Variants in CTNNA3 observed in about 807,000 individuals in gnomAD.
CTNNA3 encodes catenin alpha 3.
In CTNNA3, 76 loss-of-function variants were observed where a neutral mutation model predicts 95.7. That is an observed-to-expected ratio of 0.79 (90% CI 0.66 to 0.96). CTNNA3 has a LOEUF of 0.96. CTNNA3 is among the 40% of genes least tolerant of loss of function. The pLI is 0.00. For synonymous variants in CTNNA3, 431 were observed against 374.4 expected (o/e 1.15, Z -1.74); for missense variants, 1,191 against 1,089.8 (o/e 1.09, Z -1.31).
intron 5 of CTNNA3, among the ~76,000 whole-genome samples, chr10:67,236,533 G>C (rs1865468360): frequency 6.6e-6 from 1 of 150,548 alleles, no homozygotes; most frequent in African/African-American, 2.4e-5. Context: ...GGTGGGGAGG[G>C]ATAGCATTGG....
chr10:66,169,326 T>C (rs2085299217), intron 13 of CTNNA3, among the ~76,000 whole-genome samples: 1 of 152,204 alleles, frequency 6.6e-6, no homozygotes, highest in African/African-American at 2.4e-5. Context: ...TAGTCTCCAG[T>C]CCCATCCAGG....
chr10:66,016,438 C>A (rs1252136627), intron 15 of CTNNA3, among the ~76,000 whole-genome samples: 1 of 152,176 alleles, frequency 6.6e-6, no homozygotes, highest in African/African-American at 2.4e-5. Context: ...AAGCAGTTGG[C>A]AAAACTCACC....
In CTNNA3 at chr10:66,762,763, T is replaced by C. The variant is rs138464512; in HGVS notation, c.1281+3501A>G. ...CTGCTTTGTGTTTAGTCCTACTTTTTACTATCTTTTTGTAAAAGTTACACG... is the reference window on the plus strand; with the variant it reads ...CTGCTTTGTGTTTAGTCCTACTTTTCACTATCTTTTTGTAAAAGTTACACG... On this transcript the variant is annotated intron_variant, in intron 9 of 17. Transcript: ENST00000433211. Among the ~76,000 whole-genome samples, 354 of 152,166 alleles carry C rather than the reference T, an allele frequency of 2.3e-3. 6 individuals carry two copies. Among genetic ancestry groups the C allele is most frequent in the Admixed American group, 0.021 (325 of 15,284 alleles).
intron 5 of CTNNA3, among the ~76,000 whole-genome samples, chr10:67,323,287 T>A (rs1330964161): frequency 6.6e-6 from 1 of 152,250 alleles, no homozygotes; most frequent in Non-Finnish European, 1.5e-5. Flanking sequence ...CATTAAATCA[T>A]TGCCCATGCC....
intron 2 of CTNNA3, among the ~76,000 whole-genome samples, chr10:67,647,056 T>C (rs573814901): frequency 4.0e-5 from 6 of 151,560 alleles, no homozygotes; most frequent in African/African-American, 9.7e-5. Context: ...TCCTCATCTA[T>C]GTAATAAAGA....
chr10:67,580,655 G>A (rs1199179053), intron 3 of CTNNA3, among the ~76,000 whole-genome samples: 1 of 150,942 alleles, frequency 6.6e-6, no homozygotes, highest in Non-Finnish European at 1.5e-5. Context: ...GGGCAGTATG[G>A]CCATTTTCAT....
chr10:67,468,786 G>T (rs1337865934), intron 5 of CTNNA3, among the ~76,000 whole-genome samples: 3 of 152,132 alleles, frequency 2.0e-5, no homozygotes, highest in Non-Finnish European at 4.4e-5. Flanking sequence ...GATGAAAGCT[G>T]CCCAGCAACC....
At chr10:67,341,661 G>C (rs1254257210) in intron 5 of CTNNA3, among the ~76,000 whole-genome samples, 3 of 152,150 alleles carry the variant, frequency 2.0e-5, no homozygotes, top group Non-Finnish European at 4.4e-5. Flanking sequence ...AAACATGGGA[G>C]TCCAGATATC....
intron 11 of CTNNA3, among the ~76,000 whole-genome samples, chr10:66,435,491 G>T (rs1186143963): frequency 1.3e-5 from 2 of 152,080 alleles, no homozygotes; most frequent in Non-Finnish European, 2.9e-5. Context: ...ATTCTCTGAT[G>T]GTAGTTTGTA....
chr10:66,700,672 T>C (rs1249879832), intron 9 of CTNNA3, among the ~76,000 whole-genome samples: 1 of 152,190 alleles, frequency 6.6e-6, no homozygotes, highest in Non-Finnish European at 1.5e-5. Flanking sequence ...AAATGCTATT[T>C]AAGTATGTCC....
At position 67,472,344 on chromosome 10, in the gene CTNNA3, C is replaced by A. The variant is rs541942986; in HGVS notation, c.579+49498G>T. On this transcript the variant is annotated intron_variant, in intron 5 of 17. Transcript: ENST00000433211. Reference sequence around the variant, plus strand: ...TATCTTAGATAAAAATGCAGCAGGACTAGTTTCCAAGACAACAGGTCACAA... The same window carrying A: ...TATCTTAGATAAAAATGCAGCAGGAATAGTTTCCAAGACAACAGGTCACAA... 1.6e-4 allele frequency among the ~76,000 whole-genome samples: 24 copies of A among 152,230 alleles called. 1 individual carries two copies. In the South Asian group the frequency reaches 4.8e-3, roughly 30 times the overall value.
intron 7 of CTNNA3, among the ~76,000 whole-genome samples, chr10:66,828,997 T>C (rs950619246): frequency 2.0e-5 from 3 of 152,248 alleles, no homozygotes; most frequent in African/African-American, 7.2e-5. Context: ...AGGTAGCTTG[T>C]TGACAAAATA....
At chr10:66,444,117 T>A (rs904599271) in intron 11 of CTNNA3, among the ~76,000 whole-genome samples, 2 of 151,842 alleles carry the variant, frequency 1.3e-5, no homozygotes, top group Non-Finnish European at 2.9e-5. Context: ...GAAGGGAAGT[T>A]TAGAGAAAAA....
In CTNNA3 at chr10:66,711,348, A is replaced by C. The variant is rs1848287973; in HGVS notation, c.1281+54916T>G. ...TAGCTTCAGAAATTTCAGAAATTTT[A>C]ATTGAAACATTAAAAAACAGCTATA... On this transcript the variant is annotated intron_variant, in intron 9 of 17. Transcript: ENST00000433211. Among the ~76,000 whole-genome samples the C allele has an allele frequency of 5.9e-5, 9 of 151,730 alleles. No individual in the cohort carries two copies. In the South Asian group the frequency reaches 1.9e-3, roughly 32 times the overall value.
intron 7 of CTNNA3, among the ~76,000 whole-genome samples, chr10:66,966,385 T>G (rs1315027989): frequency 6.6e-6 from 1 of 152,136 alleles, no homozygotes. Flanking sequence ...AATGAAAAAT[T>G]AATTTATTTG....
At chr10:66,636,935 G>A (rs1345056391) in intron 9 of CTNNA3, among the ~76,000 whole-genome samples, 1 of 152,172 alleles carries the variant, frequency 6.6e-6, no homozygotes, top group Non-Finnish European at 1.5e-5. Context: ...ACTAAATGCT[G>A]ATGGGCTTCA....
intron 5 of CTNNA3, among the ~76,000 whole-genome samples, chr10:67,493,561 C>CA (rs61570165): frequency 0.018 from 1,685 of 93,986 alleles, 21 homozygotes; most frequent in Non-Finnish European, 0.031. Flanking sequence ...GACTCTGTCT[C>CA]AAAAAAAAAA....
chr10:67,531,394 C>A (rs1840323993), intron 4 of CTNNA3, among the ~76,000 whole-genome samples: 1 of 152,204 alleles, frequency 6.6e-6, no homozygotes, highest in African/African-American at 2.4e-5. Context: ...TCAGCATGAT[C>A]TGGATGTGAG....
intron 11 of CTNNA3, among the ~76,000 whole-genome samples, chr10:66,439,110 G>A (rs2093358649): frequency 6.6e-6 from 1 of 152,086 alleles, no homozygotes. Flanking sequence ...ATCTCCCTGG[G>A]AGCTGAAGAC....
Sources: gnomAD v4.1 joint callset for allele counts (sites outside exome capture counted in the v4.1 genomes callset) on GRCh38, gnomAD v4.1.1 for gene constraint, MANE v1.5 for transcripts, NCBI Gene and HGNC (gene_info 2026-07-23, HGNC 2026-07-21) for gene names.